The following CCDC61 variants were observed in gnomAD, a reference collection of about 807,000 sequenced individuals.
CCDC61 encodes coiled-coil domain containing 61, also known as centrosomal protein CCDC61.
A neutral mutation model predicts 63.0 loss-of-function variants in CCDC61; 55 were observed. The ratio of observed to expected loss-of-function variants is 0.87; its 90% CI spans 0.70 to 1.09. The LOEUF (loss-of-function observed/expected upper bound fraction) is 1.09. Ranked by LOEUF, CCDC61 falls within the 50% of genes least tolerant of loss-of-function variation. The probability of loss-of-function intolerance (pLI) is 0.00; values close to 1 mark genes in which losing one functional copy is unlikely to be tolerated. For missense variants in CCDC61, 651 were observed against 731.4 expected (o/e 0.89, Z 1.27); for synonymous variants, 270 against 317.0 (o/e 0.85, Z 1.58).
chr19:46,001,100 T>TGG (rs1473312304), intron 1 of CCDC61, among the ~76,000 whole-genome samples: 1 of 68,188 alleles, frequency 1.5e-5, no homozygotes, highest in African/African-American at 5.8e-5. Flanking sequence ...CCGGAGGGGG[T>TGG]GGGGTTGATG....
chr19:45,997,998 T>G (rs765010022), intron 1 of CCDC61, among the ~76,000 whole-genome samples: 3 of 152,202 alleles, frequency 2.0e-5, no homozygotes, highest in Non-Finnish European at 4.4e-5. Flanking sequence ...TCACATCAAT[T>G]ACTGTTGGTT....
chr19:46,005,742 T>C (rs2146465146), intron 3 of CCDC61, among the ~76,000 whole-genome samples: 1 of 152,294 alleles, frequency 6.6e-6, no homozygotes, highest in South Asian at 2.1e-4. Context: ...TTGAGAAAAT[T>C]TCTGCCAGAT....
intron 12 of CCDC61, 127 bp from the exon 13 acceptor site, chr19:46,017,951 A>G: frequency 1.3e-6 from 1 of 746,390 alleles, no homozygotes; most frequent in South Asian, 1.9e-5. Flanking sequence ...GCAGATAATG[A>G]ATGGCCAGTA....
intron 5 of CCDC61, among the ~76,000 whole-genome samples, chr19:46,011,528 G>A (rs947147660): frequency 5.9e-5 from 9 of 152,222 alleles, no homozygotes; most frequent in South Asian, 2.1e-4. Flanking sequence ...TGATTATATC[G>A]CCATGGTGTG....
rs377161841 is a variant in CCDC61 at position 46,008,231 on chromosome 19, C to T, written c.481C>T (p.Arg161Cys). 36 of 1,612,576 alleles carry T rather than the reference C, an allele frequency of 2.2e-5. No homozygotes were observed. Among genetic ancestry groups the T allele is most frequent in the East Asian group, 2.2e-4 (10 of 44,830 alleles). The change falls in exon 5 of 14, where the codon CGC becomes TGC. Residue 161 changes from arginine to cysteine, a missense_variant. Transcript: ENST00000595358. ...IIRSLKEELG[R>C]LQGLDGQNTR... ...CCGGTCACTGAAGGAGGAACTGGGCCGCCTGCAAGGGCTGGATGGCCAGAA... is the reference window on the plus strand; with the variant it reads ...CCGGTCACTGAAGGAGGAACTGGGCTGCCTGCAAGGGCTGGATGGCCAGAA...
At position 46,015,152 on chromosome 19, in the gene CCDC61, C is replaced by CTGCGCGGGCTGG. The variant is rs1157491008; in HGVS notation, c.668_679dup (p.Val223_Leu226dup). 3.2e-6 allele frequency: 4 copies of CTGCGCGGGCTGG among 1,265,180 alleles called. No individual in the cohort carries two copies. Among genetic ancestry groups the CTGCGCGGGCTGG allele is most frequent in the Admixed American group, 4.3e-5 (1 of 23,366 alleles). 78.4% of individuals were successfully genotyped at this position (1,265,180 alleles called of 1,614,324 possible). Reference sequence around the variant, plus strand: ...CGCGGCACGCCAGGAGGCCGAGGCGCTGCGCGGGCTGGTGCGCGGGCTGGA... The same window carrying CTGCGCGGGCTGG: ...CGCGGCACGCCAGGAGGCCGAGGCGCTGCGCGGGCTGGTGCGCGGGCTGGTGCGCGGGCTGGA... On this transcript the variant is annotated inframe_insertion, in exon 6 of 14. Transcript: ENST00000595358. This position sits in a 1 kb window ranked among gnomAD's most constrained non-coding sequence, Gnocchi z 5.3.
chr19:46,011,331 C>T (rs936123011), intron 5 of CCDC61, among the ~76,000 whole-genome samples: 57 of 152,022 alleles, frequency 3.7e-4, no homozygotes, highest in Non-Finnish European at 6.5e-4. Flanking sequence ...ATTACAGGCA[C>T]GAGCCACTGA....
intron 1 of CCDC61, among the ~76,000 whole-genome samples, chr19:45,998,951 G>A (rs545398997): frequency 1.3e-5 from 2 of 152,096 alleles, no homozygotes; most frequent in Non-Finnish European, 2.9e-5. Flanking sequence ...GGTTAGTTCT[G>A]GGAGGAAACA....
In CCDC61 at chr19:46,018,104, C is replaced by A; in HGVS notation, c.1395C>A (p.His465Gln). Residue 465 changes from histidine (H) to glutamine (Q), a missense_variant, in exon 13 of 14, where the codon CAC becomes CAA. By Grantham distance (24) the His-to-Gln change is conservative. Transcript: ENST00000595358. The surrounding 1 kb of genome is among the most constrained non-coding windows in gnomAD (Gnocchi z 4.2). The part of the protein sequence containing the change: ...NMKSPPVERS[H>Q]HQKSLANSGG... ...AGTCTCCCCCCGTGGAACGCAGCCA[C>A]CATCAGAAATCTCTGGCCAACTCCG... 6.2e-7 allele frequency: 1 copy of A among 1,611,184 alleles called. No individual in the cohort carries two copies. The highest frequency in any genetic ancestry group is 8.5e-7 in the Non-Finnish European group (1 of 1,178,808).
At chr19:46,008,323 A>T in intron 5 of CCDC61, 22 bp downstream of exon 5, 12 of 625,790 alleles carry the variant, frequency 1.9e-5, no homozygotes, top group East Asian at 4.3e-5. Flanking sequence ...AGGGGTGGGC[A>T]GCTGGGGCGG....
chr19:46,010,751 C>T (rs1568693449), intron 5 of CCDC61, among the ~76,000 whole-genome samples: 1 of 152,216 alleles, frequency 6.6e-6, no homozygotes, highest in East Asian at 1.9e-4. Context: ...CAACAGTTAC[C>T]CACGTTTGCC....
chr19:46,013,886 T>G (rs1968875538), intron 5 of CCDC61, among the ~76,000 whole-genome samples: 1 of 151,992 alleles, frequency 6.6e-6, no homozygotes, highest in Admixed American at 6.6e-5. Flanking sequence ...AAAAAAAGAT[T>G]TCTTTGCAGT....
At position 46,015,429 on chromosome 19, in the gene CCDC61, T is replaced by A; in HGVS notation, c.845+2T>A. The A allele has an allele frequency of 6.3e-7, 1 of 1,584,468 alleles. No individual in the cohort carries two copies. ...CGAGCTGGCATTGTACAAGAGGGGG[T>A]GAGAGCGAGGCCTGCCAGGCGCCTG... On this transcript the variant is annotated splice_donor_variant, in intron 7 of 13. Transcript: ENST00000595358. LOFTEE classifies it high-confidence loss of function. The surrounding 1 kb of genome is among the most constrained non-coding windows in gnomAD (Gnocchi z 5.3).
Position 46,016,165 on chromosome 19 carries a change from G to T in CCDC61, c.957G>T (p.Glu319Asp), listed in dbSNP as rs78197451. 1 of 1,301,000 alleles carries T rather than the reference G, an allele frequency of 7.7e-7. No homozygotes were observed. Among genetic ancestry groups the T allele is most frequent in the Non-Finnish European group, 9.7e-7 (1 of 1,027,226 alleles). 80.6% of individuals were successfully genotyped at this position (1,301,000 alleles called of 1,614,324 possible). A position where few individuals can be genotyped will look rare whatever the true frequency, so the allele number is the denominator to read the frequency against. The part of the protein sequence containing the change: ...GRGAARSSSR[E>D]SGRGSRGRGR... ...GCGCCGCGCGCTCCTCATCCCGGGA[G>T]AGCGGCCGCGGGAGCCGGGGTCGGG... is the stretch of plus-strand genomic sequence containing the variant. Residue 319 changes from glutamate (E) to aspartate (D), a missense_variant, in exon 8 of 14, where the codon GAG becomes GAT. Coordinates refer to ENST00000595358, the MANE Select transcript of CCDC61 (RefSeq NM_001267723.2). The surrounding 1 kb of genome is among the most constrained non-coding windows in gnomAD (Gnocchi z 7.2).
chr19:46,015,026 C>A lies in CCDC61; in HGVS notation c.552-23C>A. The A allele has an allele frequency of 6.7e-7, 1 of 1,486,536 alleles. No homozygotes were observed. Among genetic ancestry groups the A allele is most frequent in the Non-Finnish European group, 8.9e-7 (1 of 1,121,114 alleles). The allele number at this position is 1,486,536 out of a possible 1,614,324, so 92.1% of individuals were successfully genotyped here. On this transcript the variant is annotated intron_variant, in intron 5 of 13. Coordinates refer to ENST00000595358, the MANE Select transcript of CCDC61 (RefSeq NM_001267723.2). The surrounding 1 kb of genome is among the most constrained non-coding windows in gnomAD (Gnocchi z 5.3). ...AATGGGGCCATGCCTCTCTCTCCAG[C>A]GCTCTCTCCGCGTCTTCCCCAGGGT...
chr19:45,997,592 T>C (rs912273218), intron 1 of CCDC61, among the ~76,000 whole-genome samples: 2 of 152,124 alleles, frequency 1.3e-5, no homozygotes, highest in Non-Finnish European at 1.5e-5. Context: ...GGTTTTGCCA[T>C]GTTGGCCAGG....
intron 3 of CCDC61, among the ~76,000 whole-genome samples, chr19:46,005,823 T>C (rs796794204): frequency 7.2e-5 from 11 of 152,080 alleles, no homozygotes; most frequent in African/African-American, 1.9e-4. Flanking sequence ...TAGTGTTCTA[T>C]GAAAAGTGGC....
rs757804728 is a variant in CCDC61, at chr19:46,003,100, G to T, written c.82G>T (p.Val28Leu). The change falls in exon 2 of 14, where the codon GTG (valine) becomes TTG (leucine). Residue 28 changes from valine (V) to leucine (L), a missense_variant. Val to Leu is a conservative substitution (Grantham distance 32). Coordinates refer to ENST00000595358, the MANE Select transcript of CCDC61 (RefSeq NM_001267723.2). ...CGTGCGGGTGATGGTTTCTGGGCAG[G>T]TGCTGGAGCTGGAGGTGGAGGACCG... Reference protein sequence around the residue: ...HAVRVMVSGQVLELEVEDRMT... With the variant: ...HAVRVMVSGQLLELEVEDRMT... 2.5e-6 allele frequency: 4 copies of T among 1,612,782 alleles called. No homozygotes were observed. Among genetic ancestry groups the T allele is most frequent in the Non-Finnish European group, 3.4e-6 (4 of 1,179,492 alleles).
At chr19:46,009,144 G>A (rs10415732) in intron 5 of CCDC61, among the ~76,000 whole-genome samples, 5,469 of 152,228 alleles carry the variant, frequency 0.036, 318 homozygotes, top group African/African-American at 0.12. Context: ...GTCAGGCCCA[G>A]GGGCTGGGGA....
Sources: allele counts gnomAD v4.1 joint callset (sites outside exome capture counted in the v4.1 genomes callset), GRCh38; gene constraint gnomAD v4.1.1; non-coding constraint Gnocchi (gnomAD v3.1); transcripts MANE v1.5; gene names NCBI Gene and HGNC (gene_info 2026-07-23, HGNC 2026-07-21).